GRM1: variants seen among roughly 807,000 people sequenced by gnomAD.
GRM1 encodes the protein glutamate metabotropic receptor 1.
GRM1 carries 33 observed loss-of-function variants against 90.9 expected under a neutral mutation model. The ratio of observed to expected loss-of-function variants is 0.36; its 90% CI spans 0.28 to 0.49. The LOEUF (loss-of-function observed/expected upper bound fraction) is 0.49, where lower values mean the gene tolerates loss of function less well. Ranked by LOEUF, GRM1 falls within the 20% of genes least tolerant of loss-of-function variation. The pLI is 0.99. For synonymous variants in GRM1, 700 were observed against 613.2 expected (o/e 1.14, Z -2.09); for missense variants, 1,190 against 1,534.3 (o/e 0.78, Z 3.75).
chr6:146,275,766 T>C (rs746720262), intron 2 of GRM1, among the ~76,000 whole-genome samples: 5 of 152,188 alleles, frequency 3.3e-5, no homozygotes, highest in Non-Finnish European at 5.9e-5. Flanking sequence ...CATCTAATAT[T>C]GTCAGTGTTT....
At chr6:146,161,771 G>A (rs373978374) in intron 2 of GRM1, among the ~76,000 whole-genome samples, 5 of 152,184 alleles carry the variant, frequency 3.3e-5, no homozygotes, top group East Asian at 1.9e-4. Context: ...TGGTGTTGGC[G>A]TTTAATCTCG....
At chr6:146,071,218 C>G (rs1223487313) in intron 1 of GRM1, among the ~76,000 whole-genome samples, 1 of 152,118 alleles carries the variant, frequency 6.6e-6, no homozygotes, top group African/African-American at 2.4e-5. Flanking sequence ...TAAAAGGAAA[C>G]CTTCTAAGAT....
intron 5 of GRM1, among the ~76,000 whole-genome samples, chr6:146,360,314 G>C (rs11759934): frequency 6.6e-6 from 1 of 151,882 alleles, no homozygotes; most frequent in Non-Finnish European, 1.5e-5. Context: ...TTGATTTTTA[G>C]AATTATAAAT....
chr6:146,047,915 C>G (rs1318400156), intron 1 of GRM1, among the ~76,000 whole-genome samples: 3 of 151,972 alleles, frequency 2.0e-5, no homozygotes, highest in Non-Finnish European at 2.9e-5. Context: ...ATATTTCCAC[C>G]TGACACCTAG....
chr6:146,087,106 A>G (rs1423059011), intron 1 of GRM1, among the ~76,000 whole-genome samples: 5 of 152,098 alleles, frequency 3.3e-5, no homozygotes, highest in African/African-American at 1.2e-4. Flanking sequence ...TTTCTGTCCA[A>G]TCTCAGATAG....
At chr6:146,158,272 G>C (rs6913400) in intron 1 of GRM1, among the ~76,000 whole-genome samples, 20,074 of 152,070 alleles carry the variant, frequency 0.13, 2,159 homozygotes, top group African/African-American at 0.28. Context: ...AATCTAAGCT[G>C]GGCTAAGAAG....
chr6:146,072,506 T>G (rs1200762043), intron 1 of GRM1, among the ~76,000 whole-genome samples: 3 of 152,182 alleles, frequency 2.0e-5, no homozygotes, highest in African/African-American at 7.2e-5. Flanking sequence ...AAGCAAAGTA[T>G]ATAAATAAAC....
Position 146,434,346 on chromosome 6 carries a change from C to T in GRM1, c.3135C>T (p.Ile1045=). The T allele has an allele frequency of 1.2e-6, 2 of 1,612,506 alleles. No homozygotes were observed. The highest frequency in any genetic ancestry group is 1.7e-6 in the Non-Finnish European group (2 of 1,178,914). ...QGVVSNFSTA[I]PDFHAVLAGP... Reference sequence around the variant, plus strand: ...TGGTCAGCAACTTCAGTACCGCGATCCCGGATTTTCACGCGGTGCTGGCAG... The same window carrying T: ...TGGTCAGCAACTTCAGTACCGCGATTCCGGATTTTCACGCGGTGCTGGCAG... Residue 1045 remains isoleucine, a synonymous_variant, in exon 8 of 8, where the codon ATC becomes ATT. Coordinates refer to ENST00000282753, the MANE Select transcript of GRM1 (RefSeq NM_001278064.2).
At chr6:146,199,890 G>A (rs142024359) in intron 2 of GRM1, among the ~76,000 whole-genome samples, 1,851 of 152,238 alleles carry the variant, frequency 0.012, 77 homozygotes, top group East Asian at 0.091. Flanking sequence ...GGTGGCACAC[G>A]TCTGTAATCC....
At chr6:146,105,063 TG>T (rs1362744624) in intron 1 of GRM1, among the ~76,000 whole-genome samples, 2 of 152,244 alleles carry the variant, frequency 1.3e-5, no homozygotes, top group Non-Finnish European at 2.9e-5. Flanking sequence ...ACCTTTGGGC[TG>T]TATGTTTCTG....
At chr6:146,333,299 G>T (rs181847887) in intron 3 of GRM1, among the ~76,000 whole-genome samples, 41 of 152,236 alleles carry the variant, frequency 2.7e-4, no homozygotes, top group Non-Finnish European at 8.8e-5. Context: ...CTCCTGGGAT[G>T]TGGGTGAACT....
chr6:146,231,028 C>A (rs931785282), intron 2 of GRM1, among the ~76,000 whole-genome samples: 6 of 152,030 alleles, frequency 3.9e-5, no homozygotes, highest in African/African-American at 9.7e-5. Context: ...ACAGGAAGAA[C>A]ATGGAGGATT....
intron 1 of GRM1, among the ~76,000 whole-genome samples, chr6:146,100,568 T>C (rs1199994167): frequency 6.6e-6 from 1 of 152,224 alleles, no homozygotes; most frequent in Non-Finnish European, 1.5e-5. Context: ...GTGTGTGAAG[T>C]TGTTTCTGAA....
At chr6:146,078,029 C>CT (rs1243911097) in intron 1 of GRM1, among the ~76,000 whole-genome samples, 2 of 152,158 alleles carry the variant, frequency 1.3e-5, no homozygotes, top group Non-Finnish European at 2.9e-5. Context: ...GTTTCAGCTC[C>CT]TTTGACAAAG....
chr6:146,160,651 A>G (rs1225432986), intron 2 of GRM1, among the ~76,000 whole-genome samples: 2 of 152,158 alleles, frequency 1.3e-5, no homozygotes, highest in Non-Finnish European at 2.9e-5. Context: ...TGGTGTGGAC[A>G]TGCTCACTGG....
intron 1 of GRM1, among the ~76,000 whole-genome samples, chr6:146,054,160 C>T (rs984404753): frequency 6.6e-6 from 1 of 152,008 alleles, no homozygotes; most frequent in African/African-American, 2.4e-5. Flanking sequence ...GTTGGGCTGT[C>T]AGCAATGTGT....
At chr6:146,322,450 A>G (rs539594859) in intron 3 of GRM1, among the ~76,000 whole-genome samples, 4 of 152,278 alleles carry the variant, frequency 2.6e-5, no homozygotes, top group Non-Finnish European at 4.4e-5. Context: ...CTCTCTTCAG[A>G]GCTGGCAGGC....
At chr6:146,241,726 G>A (rs758657862) in intron 2 of GRM1, among the ~76,000 whole-genome samples, 15 of 151,986 alleles carry the variant, frequency 9.9e-5, no homozygotes, top group Non-Finnish European at 2.2e-4. Flanking sequence ...ATTCTTTTAT[G>A]TTATATTTCT....
intron 1 of GRM1, among the ~76,000 whole-genome samples, chr6:146,138,950 G>C (rs755194943): frequency 2.0e-5 from 3 of 150,012 alleles, no homozygotes; most frequent in Non-Finnish European, 4.4e-5. Flanking sequence ...TTTTTTTAAT[G>C]TAGACACTTA....
Sources: gnomAD v4.1 joint callset for allele counts (sites outside exome capture counted in the v4.1 genomes callset) on GRCh38, gnomAD v4.1.1 for gene constraint, MANE v1.5 for transcripts, NCBI Gene and HGNC (gene_info 2026-07-23, HGNC 2026-07-21) for gene names.